The following WWOX variants were observed in gnomAD, a reference collection of about 807,000 sequenced individuals.
WWOX encodes the protein WW domain-containing oxidoreductase.
Under a neutral mutation model 46.2 loss-of-function variants are expected in WWOX, and 69 were observed. That is an observed-to-expected ratio of 1.49 (90% confidence interval 1.23 to 1.82). The LOEUF (loss-of-function observed/expected upper bound fraction) is 1.82, where lower values mean the gene tolerates loss of function less well. WWOX is among the 40% of genes most tolerant of loss of function. The pLI is 0.00. For synonymous variants in WWOX, 359 were observed against 202.6 expected, an observed-to-expected ratio of 1.77 and a Z score of -6.56; for missense variants, 919 against 542.6, an observed-to-expected ratio of 1.69 and a Z score of -6.89.
At chr16:78,700,330 G>C (rs998415258) in intron 8 of WWOX, among the ~76,000 whole-genome samples, 2 of 138,102 alleles carry the variant, frequency 1.4e-5, no homozygotes, top group African/African-American at 5.9e-5. Flanking sequence ...GAGAGAGAGA[G>C]AGAGAGAGAG....
chr16:78,779,266 T>G (rs2050267289), intron 8 of WWOX, among the ~76,000 whole-genome samples: 1 of 152,174 alleles, frequency 6.6e-6, no homozygotes, highest in Non-Finnish European at 1.5e-5. Flanking sequence ...CATCTCAGCC[T>G]CCTGAGTAGC....
chr16:79,013,116 A>G (rs1187454751), intron 8 of WWOX, among the ~76,000 whole-genome samples: 1 of 152,224 alleles, frequency 6.6e-6, no homozygotes, highest in African/African-American at 2.4e-5. Context: ...GTGGTCCTCC[A>G]GAATTGCCCT....
In WWOX at chr16:78,452,878, T is replaced by TATATACATATATATATATATATAC. The variant is rs752791786; in HGVS notation, c.1056+20129_1056+20130insTACATATATATATATATATACATA. On this transcript the variant is annotated intron_variant, in intron 8 of 8. Transcript: ENST00000566780. ...TTCCAGTGAGCTATTTATATATATATATACATATTTTTGAGAGGGAATCTT... is the reference window on the plus strand; with the variant it reads ...TTCCAGTGAGCTATTTATATATATATATATACATATATATATATATATACATACATATTTTTGAGAGGGAATCTT... 4.2e-4 allele frequency among the ~76,000 whole-genome samples: 60 copies of TATATACATATATATATATATATAC among 143,108 alleles called. 1 individual carries two copies. The highest frequency in any genetic ancestry group is 1.7e-3 in the African/African-American group (59 of 34,138). 93.9% of individuals were successfully genotyped at this position (143,108 alleles called of 152,430 possible).
intron 8 of WWOX, among the ~76,000 whole-genome samples, chr16:78,522,821 C>G (rs56077137): frequency 0.012 from 1,831 of 152,274 alleles, 30 homozygotes; most frequent in African/African-American, 0.041. Flanking sequence ...CCTGTAATCA[C>G]GGCACTTTGG....
At chr16:78,806,640 T>A (rs1047157891) in intron 8 of WWOX, among the ~76,000 whole-genome samples, 37 of 151,918 alleles carry the variant, frequency 2.4e-4, no homozygotes, top group Non-Finnish European at 4.4e-4. Flanking sequence ...GTTCCAAGGG[T>A]GAGCGTCCCA....
chr16:78,938,322 C>T (rs1188756578), intron 8 of WWOX, among the ~76,000 whole-genome samples: 2 of 152,206 alleles, frequency 1.3e-5, no homozygotes, highest in African/African-American at 2.4e-5. Flanking sequence ...GACCATCCTT[C>T]AGAGCTTGGC....
intron 8 of WWOX, among the ~76,000 whole-genome samples, chr16:78,753,960 A>G (rs2049567587): frequency 1.3e-5 from 2 of 149,884 alleles, no homozygotes; most frequent in African/African-American, 2.4e-5. Flanking sequence ...TCTGTCTAAC[A>G]CAATCCAATT....
chr16:79,199,422 G>A (rs987526300), intron 8 of WWOX, among the ~76,000 whole-genome samples: 2 of 152,142 alleles, frequency 1.3e-5, no homozygotes, highest in South Asian at 2.1e-4. Context: ...TCTATCATGC[G>A]TAAGGTGGAC....
At chr16:79,082,881 C>A (rs1269425099) in intron 8 of WWOX, among the ~76,000 whole-genome samples, 1 of 152,106 alleles carries the variant, frequency 6.6e-6, no homozygotes, top group Non-Finnish European at 1.5e-5. Context: ...TAATCCGTGG[C>A]AGATGTGCAT....
intron 8 of WWOX, among the ~76,000 whole-genome samples, chr16:78,857,665 C>G (rs1342183938): frequency 6.6e-6 from 1 of 152,170 alleles, no homozygotes; most frequent in African/African-American, 2.4e-5. Flanking sequence ...TAAAATGCCT[C>G]CACCAAGGCT....
intron 8 of WWOX, among the ~76,000 whole-genome samples, chr16:78,865,378 A>T: frequency 6.6e-6 from 1 of 152,338 alleles, no homozygotes. Context: ...TGAAGGGCAG[A>T]TAGAGGTCAA....
intron 8 of WWOX, among the ~76,000 whole-genome samples, chr16:79,157,593 A>C (rs1052007102): frequency 6.6e-6 from 1 of 152,212 alleles, no homozygotes; most frequent in Non-Finnish European, 1.5e-5. Flanking sequence ...GAAACTGGCT[A>C]TCTGGAGATG....
intron 8 of WWOX, among the ~76,000 whole-genome samples, chr16:78,464,214 G>T (rs2084020104): frequency 6.6e-6 from 1 of 152,140 alleles, no homozygotes; most frequent in East Asian, 1.9e-4. Flanking sequence ...AAGCAGAATG[G>T]AAGGGAAGGA....
rs2033301651 is a variant in WWOX, at chr16:78,125,050, TTAAAGC to T, written c.409+9900_409+9905del. On this transcript the variant is annotated intron_variant, in intron 4 of 8. Coordinates refer to ENST00000566780, the MANE Select transcript of WWOX (RefSeq NM_016373.4). Reference sequence around the variant, plus strand: ...TTCTGTAGTTGCACAGAAACTGAAGTTAAAGCTAATACAATGTTTTTCATTTTTACC... The same window carrying T: ...TTCTGTAGTTGCACAGAAACTGAAGTTAATACAATGTTTTTCATTTTTACC... Among the ~76,000 whole-genome samples, 3 of 152,298 alleles carry T rather than the reference TTAAAGC, an allele frequency of 2.0e-5. No homozygotes were observed. In the South Asian group the frequency reaches 6.2e-4, roughly 32 times the overall value.
At chr16:78,787,289 T>A (rs2050481485) in intron 8 of WWOX, among the ~76,000 whole-genome samples, 1 of 152,172 alleles carries the variant, frequency 6.6e-6, no homozygotes, top group Non-Finnish European at 1.5e-5. Context: ...CATCCCCCGC[T>A]AAAGAAACAC....
At chr16:78,612,878 C>T (rs753224315) in intron 8 of WWOX, among the ~76,000 whole-genome samples, 32 of 152,168 alleles carry the variant, frequency 2.1e-4, no homozygotes, top group Non-Finnish European at 8.8e-5. Context: ...AGCATAGTCC[C>T]TTAGGGTAAC....
At chr16:79,186,095 C>G (rs1468239123) in intron 8 of WWOX, among the ~76,000 whole-genome samples, 1 of 152,040 alleles carries the variant, frequency 6.6e-6, no homozygotes, top group Non-Finnish European at 1.5e-5. Flanking sequence ...CTGCCTGTGG[C>G]TGTGGGCCTC....
chr16:78,470,677 G>C (rs62034126), intron 8 of WWOX, among the ~76,000 whole-genome samples: 3 of 152,020 alleles, frequency 2.0e-5, no homozygotes, highest in African/African-American at 7.3e-5. Flanking sequence ...TTACAGGCAC[G>C]CCACCACACC....
intron 8 of WWOX, among the ~76,000 whole-genome samples, chr16:79,073,331 C>T (rs1305102605): frequency 3.9e-5 from 6 of 151,930 alleles, no homozygotes; most frequent in Admixed American, 6.6e-5. Context: ...AGGTGCACGC[C>T]GCCATGCCCG....
Sources: allele counts gnomAD v4.1 joint callset (sites outside exome capture counted in the v4.1 genomes callset), GRCh38; gene constraint gnomAD v4.1.1; transcripts MANE v1.5; gene names NCBI Gene and HGNC (gene_info 2026-07-23, HGNC 2026-07-21).